Variants in LYRM4 observed in about 807,000 individuals in gnomAD.
The protein encoded by LYRM4 is LYR motif-containing protein 4.
Under a neutral mutation model 11.7 loss-of-function variants are expected in LYRM4, and 9 were observed. That is an observed-to-expected ratio of 0.77 (90% confidence interval 0.46 to 1.34). The LOEUF (loss-of-function observed/expected upper bound fraction) is 1.34, where lower values mean the gene tolerates loss of function less well. LYRM4 is among the 40% of genes most tolerant of loss of function. The probability of loss-of-function intolerance (pLI) is 0.00; values close to 1 mark genes in which losing one functional copy is unlikely to be tolerated. For missense variants in LYRM4, 133 were observed against 112.5 expected, an observed-to-expected ratio of 1.18 and a Z score of -0.82; for synonymous variants, 42 against 40.4, an observed-to-expected ratio of 1.04 and a Z score of -0.15.
chr6:5,118,840 A>G (rs1276301487), intron 2 of LYRM4, among the ~76,000 whole-genome samples: 1 of 152,370 alleles, frequency 6.6e-6, no homozygotes, highest in East Asian at 1.9e-4. Flanking sequence ...TCCTCTAAAA[A>G]TAGCCCTCAG....
intron 1 of LYRM4, 120 bp downstream of exon 1, chr6:5,260,528 C>T: frequency 5.8e-6 from 8 of 1,377,456 alleles, no homozygotes; most frequent in Non-Finnish European, 7.8e-6. Context: ...CGGTCCTTGC[C>T]TCGCAGCCGC....
At chr6:5,203,269 C>T (rs527503310) in intron 2 of LYRM4, among the ~76,000 whole-genome samples, 1 of 152,278 alleles carries the variant, frequency 6.6e-6, no homozygotes, top group East Asian at 1.9e-4. Context: ...TCTTGTTGAT[C>T]AGGCACCATT....
At chr6:5,057,533 A>G in the LYRM4 span, among the ~76,000 whole-genome samples, 2 of 151,800 alleles carry the variant, frequency 1.3e-5, no homozygotes, top group Non-Finnish European at 2.9e-5. Flanking sequence ...CCTGGCCAAG[A>G]TGGTGAAACC....
At chr6:5,154,881 C>T (rs80039222) in intron 2 of LYRM4, among the ~76,000 whole-genome samples, 8,956 of 152,234 alleles carry the variant, frequency 0.059, 308 homozygotes, top group South Asian at 0.15. Flanking sequence ...GCAGTAACTT[C>T]ACCCAAATTA....
At chr6:5,189,341 G>C (rs1042709083) in intron 2 of LYRM4, among the ~76,000 whole-genome samples, 11 of 151,414 alleles carry the variant, frequency 7.3e-5, no homozygotes, top group African/African-American at 2.2e-4. Flanking sequence ...AAGGTTAGTG[G>C]TTAGCCTAAG....
the LYRM4 span, among the ~76,000 whole-genome samples, chr6:5,067,331 G>T: frequency 6.6e-6 from 1 of 152,216 alleles, no homozygotes; most frequent in Non-Finnish European, 1.5e-5. Flanking sequence ...GGGAATTGGG[G>T]AATGTTTTAT....
In LYRM4 at chr6:5,256,038, C is replaced by T. The variant is rs1764648097; in HGVS notation, c.86+4610G>A. 2.6e-5 allele frequency among the ~76,000 whole-genome samples: 4 copies of T among 151,794 alleles called. No homozygotes were observed. In the South Asian group the frequency reaches 8.3e-4, roughly 32 times the overall value. Reference sequence around the variant, plus strand: ...TCACCACAGTGGTGCCGACTACAGCCCCCATTAACAAAGAATTAGCTGGCC... The same window carrying T: ...TCACCACAGTGGTGCCGACTACAGCTCCCATTAACAAAGAATTAGCTGGCC... On this transcript the variant is annotated intron_variant, in intron 1 of 2. Transcript: ENST00000330636.
At chr6:5,040,365 ATACATACATAC>A in the LYRM4 span, among the ~76,000 whole-genome samples, 3 of 142,956 alleles carry the variant, frequency 2.1e-5, no homozygotes, top group African/African-American at 6.1e-5. Flanking sequence ...ACATACATAC[ATACATACATAC>A]ATACATACAT....
At chr6:5,062,568 A>G in the LYRM4 span, among the ~76,000 whole-genome samples, 1 of 152,158 alleles carries the variant, frequency 6.6e-6, no homozygotes. Context: ...GCCTAAGACA[A>G]ATGTGGCCAA....
intron 2 of LYRM4, among the ~76,000 whole-genome samples, chr6:5,201,201 T>C (rs1355313424): frequency 1.3e-5 from 2 of 152,078 alleles, no homozygotes; most frequent in East Asian, 3.9e-4. Context: ...CAGTCTTCCT[T>C]TAGTTTTCTT....
intron 2 of LYRM4, among the ~76,000 whole-genome samples, chr6:5,153,821 A>G (rs1209657869): frequency 4.6e-5 from 7 of 152,238 alleles, no homozygotes; most frequent in Admixed American, 4.6e-4. Flanking sequence ...CTGTGAATAC[A>G]GACAGATACA....
chr6:5,120,166 A>G (rs1486490627), intron 2 of LYRM4, among the ~76,000 whole-genome samples: 3 of 152,110 alleles, frequency 2.0e-5, no homozygotes, highest in Non-Finnish European at 4.4e-5. Flanking sequence ...AAGTGCTAGG[A>G]TTATAGGCAT....
intron 2 of LYRM4, among the ~76,000 whole-genome samples, chr6:5,120,359 A>C (rs1158839650): frequency 1.3e-5 from 2 of 152,178 alleles, no homozygotes; most frequent in Non-Finnish European, 2.9e-5. Context: ...CACGGGAGCC[A>C]CAGGGTCTGC....
chr6:5,086,538 C>G, the LYRM4 span: 3 of 1,529,344 alleles, frequency 2.0e-6, no homozygotes, highest in African/African-American at 4.1e-5. Flanking sequence ...CGCTGCGCTA[C>G]GCGCGCCCTG....
At chr6:5,156,918 C>G (rs942277034) in intron 2 of LYRM4, among the ~76,000 whole-genome samples, 1 of 152,158 alleles carries the variant, frequency 6.6e-6, no homozygotes, top group Admixed American at 6.5e-5. Flanking sequence ...CAAGATCCCC[C>G]CTGAAGCTCT....
At chr6:5,032,320 AC>A in the LYRM4 span, 2 of 152,252 alleles carry the variant, frequency 1.3e-5, no homozygotes, top group Non-Finnish European at 2.9e-5. Context: ...GTCTGTGTAT[AC>A]AAACTAGCAA....
At chr6:5,188,418 G>C (rs1053784890) in intron 2 of LYRM4, among the ~76,000 whole-genome samples, 1 of 152,078 alleles carries the variant, frequency 6.6e-6, no homozygotes, top group Non-Finnish European at 1.5e-5. Context: ...AAAATGGTAA[G>C]TAAACACAAA....
Position 5,178,853 on chromosome 6 carries a change from C to T in LYRM4, c.207+37765G>A, listed in dbSNP as rs1303313872. Among the ~76,000 whole-genome samples, 3 of 139,908 alleles carry T rather than the reference C, an allele frequency of 2.1e-5. No individual in the cohort carries two copies. In the Admixed American group the frequency reaches 2.1e-4, roughly 10 times the overall value. The allele number at this position is 139,908 out of a possible 152,430, so 91.8% of individuals were successfully genotyped here. A position where few individuals can be genotyped will look rare whatever the true frequency, so the allele number is the denominator to read the frequency against. ...AAAAAAGAGTTTCCTCTGATTGTAC[C>T]TCACTGCTACAAAGCGTTGAAATAC... is the stretch of plus-strand genomic sequence containing the variant. On this transcript the variant is annotated intron_variant, in intron 2 of 2. Transcript: ENST00000330636.
intron 2 of LYRM4, chr6:5,138,594 T>C: frequency 3.5e-6 from 2 of 567,018 alleles, no homozygotes; most frequent in Non-Finnish European, 5.4e-6. Context: ...ATGAATGATT[T>C]CCAGACTAAG....
Sources: gnomAD v4.1 joint callset for allele counts (sites outside exome capture counted in the v4.1 genomes callset) on GRCh38, gnomAD v4.1.1 for gene constraint, MANE v1.5 for transcripts, NCBI Gene and HGNC (gene_info 2026-07-23, HGNC 2026-07-21) for gene names.